The following OR3A2 variants were observed in gnomAD, a reference collection of about 807,000 sequenced individuals.
The protein encoded by OR3A2 is olfactory receptor family 3 subfamily A member 2, also known as olfactory receptor 3A2.
For synonymous variants in OR3A2, 126 were observed against 159.3 expected (o/e 0.79, Z 1.57); for missense variants, 318 against 392.8 (o/e 0.81, Z 1.61).
chr17:3,382,229 T>C (rs773647401), intron 2 of OR3A2, among the ~76,000 whole-genome samples: 5 of 152,118 alleles, frequency 3.3e-5, no homozygotes, highest in Non-Finnish European at 5.9e-5. Flanking sequence ...CGGCACTCTA[T>C]CTAACAGGCA....
intron 3 of OR3A2, among the ~76,000 whole-genome samples, chr17:3,309,795 A>G (rs1049769260): frequency 1.3e-5 from 2 of 152,114 alleles, no homozygotes; most frequent in South Asian, 4.1e-4. Flanking sequence ...TAATCTTTTA[A>G]TAGTCTGGGC....
At chr17:3,370,047 C>T (rs1157967668) in intron 2 of OR3A2, among the ~76,000 whole-genome samples, 1 of 152,102 alleles carries the variant, frequency 6.6e-6, no homozygotes, top group Non-Finnish European at 1.5e-5. Flanking sequence ...CAGTGATCTG[C>T]CCATCTTGGC....
chr17:3,326,099 G>T (rs1299249523), intron 3 of OR3A2, among the ~76,000 whole-genome samples: 4 of 152,102 alleles, frequency 2.6e-5, no homozygotes, highest in Admixed American at 2.6e-4. Context: ...CTCCATCCAT[G>T]TTCCTGCAAA....
At chr17:3,360,487 A>T (rs145888330) in intron 2 of OR3A2, among the ~76,000 whole-genome samples, 3,961 of 151,722 alleles carry the variant, frequency 0.026, 194 homozygotes, top group South Asian at 0.073. Context: ...CATGAAGTCC[A>T]TGCCCATGCC....
rs544563690 is a variant in OR3A2, at chr17:3,360,795, G to C, written c.-179+23009C>G. 1.2e-4 allele frequency among the ~76,000 whole-genome samples: 18 copies of C among 151,766 alleles called. No homozygotes were observed. The East Asian group carries it at 3.1e-3, about 26-fold the overall frequency. ...GGTCTATATCTCTGTTTTGGTACTA[G>C]TACCATGCTGTTTTGGTTACTGTAA... On this transcript the variant is annotated intron_variant, in intron 2 of 4. Transcript: ENST00000573491.
At chr17:3,347,941 C>T (rs995724661) in intron 2 of OR3A2, among the ~76,000 whole-genome samples, 6 of 152,212 alleles carry the variant, frequency 3.9e-5, no homozygotes, top group African/African-American at 1.4e-4. Context: ...GCCATTCTAA[C>T]TGGTGTGAAA....
upstream of OR3A2, among the ~76,000 whole-genome samples, chr17:3,286,110 C>T (rs1240300768): frequency 2.6e-5 from 4 of 152,120 alleles, no homozygotes; most frequent in African/African-American, 9.7e-5. Context: ...CTTCCCGTCC[C>T]TGCGTCCATG....
chr17:3,283,510 T>C (rs9907875), intron 1 of OR3A2, among the ~76,000 whole-genome samples: 27,485 of 152,100 alleles, frequency 0.18, 3,080 homozygotes, highest in African/African-American at 0.3. Context: ...CAGGCGTAAG[T>C]CACTGCGCCC....
At chr17:3,361,928 C>T (rs1443450834) in intron 2 of OR3A2, among the ~76,000 whole-genome samples, 3 of 151,598 alleles carry the variant, frequency 2.0e-5, no homozygotes, top group African/African-American at 7.3e-5. Context: ...ATGCTGGCCT[C>T]ATAAAATGAG....
At chr17:3,357,393 C>A (rs961654758) in intron 2 of OR3A2, among the ~76,000 whole-genome samples, 1 of 151,550 alleles carries the variant, frequency 6.6e-6, no homozygotes, top group African/African-American at 2.4e-5. Flanking sequence ...CCAACCCTCC[C>A]CATGAAAATA....
intron 2 of OR3A2, among the ~76,000 whole-genome samples, chr17:3,372,526 T>C (rs2150665424): frequency 6.6e-6 from 1 of 152,074 alleles, no homozygotes; most frequent in South Asian, 2.1e-4. Context: ...CACTCCAGCC[T>C]GGGCACCATT....
intron 3 of OR3A2, among the ~76,000 whole-genome samples, chr17:3,302,103 C>T (rs1215069021): frequency 1.3e-5 from 2 of 152,096 alleles, no homozygotes; most frequent in Non-Finnish European, 2.9e-5. Context: ...AGGATACAAA[C>T]AAATGGAAGA....
exon 2 of OR3A2, chr17:3,277,987 T>A: frequency 1.9e-6 from 3 of 1,598,372 alleles, no homozygotes; most frequent in Non-Finnish European, 2.6e-6. Flanking sequence ...AGTGATCTCC[T>A]CCCCAAAAAT....
At chr17:3,322,625 A>G (rs1225142590) in intron 3 of OR3A2, among the ~76,000 whole-genome samples, 1 of 152,120 alleles carries the variant, frequency 6.6e-6, no homozygotes. Flanking sequence ...TCATTTCGTT[A>G]TGTACCCAGT....
intron 2 of OR3A2, among the ~76,000 whole-genome samples, chr17:3,372,609 G>T (rs2049640111): frequency 6.6e-6 from 1 of 152,144 alleles, no homozygotes; most frequent in African/African-American, 2.4e-5. Flanking sequence ...ATCACTCGCG[G>T]TTAGGAGCTG....
chr17:3,378,512 G>A (rs912032091), intron 2 of OR3A2, among the ~76,000 whole-genome samples: 81 of 152,240 alleles, frequency 5.3e-4, no homozygotes, highest in Middle Eastern at 6.8e-3. Flanking sequence ...CCAGAGCCAC[G>A]GCTGGGCAGC....
chr17:3,315,255 A>G (rs1362113820), intron 3 of OR3A2, among the ~76,000 whole-genome samples: 2 of 152,230 alleles, frequency 1.3e-5, no homozygotes, highest in Non-Finnish European at 2.9e-5. Context: ...TCTTTGAGAA[A>G]TCTCCAGACT....
In OR3A2 at chr17:3,278,926, G is replaced by C. The variant is rs373890668; in HGVS notation, c.-6-3C>G. On this transcript the variant is annotated splice_region_variant and splice_polypyrimidine_tract_variant and intron_variant, in intron 1 of 1. Transcript: ENST00000642052. ...CCAGCTTCTGGCTCCATGAGTTTCT[G>C]TAAGGACATGTCCCAGCAGGGGAGG... is the stretch of plus-strand genomic sequence containing the variant. The C allele has an allele frequency of 2.0e-6, 3 of 1,533,706 alleles. No homozygotes were observed. The African/African-American group carries it at 4.2e-5, about 21-fold the overall frequency.
intron 2 of OR3A2, among the ~76,000 whole-genome samples, chr17:3,358,559 T>G (rs752027975): frequency 9.9e-5 from 15 of 151,750 alleles, no homozygotes; most frequent in Non-Finnish European, 1.5e-5. Context: ...AGGAGCATGT[T>G]GTTTAATTTC....
Sources: gnomAD v4.1 joint callset for allele counts (sites outside exome capture counted in the v4.1 genomes callset) on GRCh38, gnomAD v4.1.1 for gene constraint, MANE v1.5 for transcripts, NCBI Gene and HGNC (gene_info 2026-07-23, HGNC 2026-07-21) for gene names.